CDK6: variants seen among roughly 807,000 people sequenced by gnomAD.
CDK6 encodes cyclin dependent kinase 6.
CDK6 carries 6 observed loss-of-function variants against 37.1 expected under a neutral mutation model. The ratio of observed to expected loss-of-function variants is 0.16; its 90% CI spans 0.09 to 0.32. The LOEUF (loss-of-function observed/expected upper bound fraction) is 0.32. Ranked by LOEUF, CDK6 falls within the 10% of genes least tolerant of loss-of-function variation. The pLI is 1.00. For synonymous variants in CDK6, 160 were observed against 161.3 expected (o/e 0.99, Z 0.06); for missense variants, 224 against 418.9 (o/e 0.53, Z 4.06).
At chr7:92,625,460 A>G (rs1795904254) in intron 5 of CDK6, among the ~76,000 whole-genome samples, 2 of 151,748 alleles carry the variant, frequency 1.3e-5, no homozygotes, top group Non-Finnish European at 2.9e-5. Flanking sequence ...TTTCTAAAGG[A>G]TGAATGCCAC....
chr7:92,644,575 G>A (rs1268731528), intron 5 of CDK6, among the ~76,000 whole-genome samples: 3 of 152,140 alleles, frequency 2.0e-5, no homozygotes, highest in East Asian at 1.9e-4. Context: ...GAAGGCTTGT[G>A]AAATCTGCTC....
intron 5 of CDK6, among the ~76,000 whole-genome samples, chr7:92,638,692 A>T (rs1427306456): frequency 2.0e-5 from 3 of 152,206 alleles, no homozygotes; most frequent in South Asian, 2.1e-4. Context: ...GCCTTGAAGG[A>T]ACATCACTTA....
intron 5 of CDK6, among the ~76,000 whole-genome samples, chr7:92,656,978 T>G (rs970349190): frequency 3.3e-5 from 5 of 152,136 alleles, no homozygotes; most frequent in African/African-American, 1.2e-4. Context: ...ATACCCTTGG[T>G]CTTCCGGCCA....
chr7:92,664,839 G>A (rs1187684198), intron 5 of CDK6, among the ~76,000 whole-genome samples: 1 of 150,622 alleles, frequency 6.6e-6, no homozygotes, highest in Non-Finnish European at 1.5e-5. Flanking sequence ...AGGCTGGAGT[G>A]CAGTGGCACG....
In CDK6 at chr7:92,709,228, T is replaced by C. The variant is rs146811445; in HGVS notation, c.537+16398A>G. ...TACCAATCCACTCATCACATTGTAG[T>C]AGACTGCTTTTTTTTAGGGTAAAAA... On this transcript the variant is annotated intron_variant, in intron 4 of 7. Transcript: ENST00000424848. 1.5e-3 allele frequency among the ~76,000 whole-genome samples: 223 copies of C among 152,300 alleles called. 1 individual carries two copies. The highest frequency in any genetic ancestry group is 4.9e-3 in the African/African-American group (203 of 41,556).
In CDK6 at chr7:92,725,133, G is replaced by A. The variant is rs1798480349; in HGVS notation, c.537+493C>T. The A allele has an allele frequency of 6.1e-6, 6 of 985,396 alleles. No homozygotes were observed. In the South Asian group the frequency reaches 2.8e-4, roughly 46 times the overall value. The allele number at this position is 985,396 out of a possible 1,614,324, so 61.0% of individuals were successfully genotyped here. On this transcript the variant is annotated intron_variant, in intron 4 of 7. Transcript: ENST00000424848. ...TGGCATGGCGGTGCTCTACGTTCAT[G>A]CATCATCCAAGTTCACTGTGAATTT...
intron 2 of CDK6, among the ~76,000 whole-genome samples, chr7:92,776,828 G>C (rs566689282): frequency 3.3e-5 from 5 of 152,244 alleles, no homozygotes; most frequent in African/African-American, 1.2e-4. Flanking sequence ...CAGATGGATA[G>C]ATTGCAAAAA....
intron 3 of CDK6, among the ~76,000 whole-genome samples, chr7:92,773,967 A>G (rs1799781379): frequency 6.6e-6 from 1 of 152,210 alleles, no homozygotes; most frequent in East Asian, 1.9e-4. Flanking sequence ...CCCGCACATG[A>G]TGTGTATAAA....
Position 92,609,937 on chromosome 7 carries a change from T to G in CDK6, c.*5203A>C. ...CAGAACCTAGGTAACAAGTAAAATATTGAAGTTACAGAACATTATAGAGAC... is the reference window on the plus strand; with the variant it reads ...CAGAACCTAGGTAACAAGTAAAATAGTGAAGTTACAGAACATTATAGAGAC... On this transcript the variant is annotated 3_prime_UTR_variant, in exon 8 of 8. Transcript: ENST00000424848. 4.3e-6 allele frequency: 1 copy of G among 230,308 alleles called. No individual in the cohort carries two copies. Among genetic ancestry groups the G allele is most frequent in the Non-Finnish European group, 8.6e-6 (1 of 116,320 alleles). 14.3% of individuals were successfully genotyped at this position (230,308 alleles called of 1,614,324 possible).
At chr7:92,680,381 G>A (rs1194143830) in intron 4 of CDK6, among the ~76,000 whole-genome samples, 6 of 131,042 alleles carry the variant, frequency 4.6e-5, no homozygotes, top group Admixed American at 8.5e-5. Flanking sequence ...GCGGTGAGCC[G>A]AGATCACACC....
At chr7:92,714,541 C>T (rs920273694) in intron 4 of CDK6, among the ~76,000 whole-genome samples, 17 of 152,146 alleles carry the variant, frequency 1.1e-4, no homozygotes, top group African/African-American at 4.1e-4. Context: ...GGCTTGTTTC[C>T]CACAGTGGTC....
rs1795556406 is a variant in CDK6, at chr7:92,611,248, T to C, written c.*3892A>G. The C allele has an allele frequency of 4.4e-6, 1 of 225,360 alleles. No individual in the cohort carries two copies. The highest frequency in any genetic ancestry group is 1.8e-4 in the South Asian group (1 of 5,470). The allele number at this position is 225,360 out of a possible 1,614,324, so 14.0% of individuals were successfully genotyped here. A position where few individuals can be genotyped will look rare whatever the true frequency, so the allele number is the denominator to read the frequency against. ...TGCATTCTTTTGAATTATATAAATA[T>C]CTAAGAGTTTATAATAACATTCCAA... On this transcript the variant is annotated 3_prime_UTR_variant, in exon 8 of 8. Coordinates refer to ENST00000424848, the MANE Select transcript of CDK6 (RefSeq NM_001145306.2).
chr7:92,613,734 T>C lies in CDK6; in HGVS notation c.*1406A>G, dbSNP rs980223253. Reference sequence around the variant, plus strand: ...GAAAATATCTTCTATAAAAATGTAATTCACAAAGTAACAGTTTATAGCAAT... The same window carrying C: ...GAAAATATCTTCTATAAAAATGTAACTCACAAAGTAACAGTTTATAGCAAT... On this transcript the variant is annotated 3_prime_UTR_variant, in exon 8 of 8. Transcript: ENST00000424848. 2.6e-5 allele frequency: 6 copies of C among 232,950 alleles called. No homozygotes were observed. The highest frequency in any genetic ancestry group is 1.1e-4 in the African/African-American group (5 of 45,318). The allele number at this position is 232,950 out of a possible 1,614,324, so 14.4% of individuals were successfully genotyped here. A position where few individuals can be genotyped will look rare whatever the true frequency, so the allele number is the denominator to read the frequency against.
chr7:92,771,289 C>CAA (rs199783615), intron 3 of CDK6, among the ~76,000 whole-genome samples: 10 of 101,248 alleles, frequency 9.9e-5, no homozygotes, highest in Admixed American at 9.8e-4. Flanking sequence ...GACTCCGTCT[C>CAA]AAAAAAAAAA....
intron 4 of CDK6, among the ~76,000 whole-genome samples, chr7:92,685,809 A>G (rs73710431): frequency 1.7e-4 from 26 of 152,342 alleles, no homozygotes; most frequent in African/African-American, 5.8e-4. Flanking sequence ...TTTAATCTTT[A>G]CAATAGAGTA....
intron 6 of CDK6, among the ~76,000 whole-genome samples, 158 bp downstream of exon 6, chr7:92,622,878 C>T (rs1229107521): frequency 6.6e-6 from 1 of 152,072 alleles, no homozygotes; most frequent in African/African-American, 2.4e-5. Flanking sequence ...GGCACTTCTA[C>T]CATGTCTCCA....
chr7:92,626,224 A>C (rs1795924949), intron 5 of CDK6, among the ~76,000 whole-genome samples: 1 of 152,026 alleles, frequency 6.6e-6, no homozygotes, highest in South Asian at 2.1e-4. Flanking sequence ...TACACATATA[A>C]AAAATATAAA....
rs569288000 is a variant in CDK6 at position 92,629,270 on chromosome 7, A to T, written c.648-6184T>A. ...GTGTGCTGGCATCCCTGTCCATAGGAGGGACTATGAGTCTGGTAATTTCCT... is the reference window on the plus strand; with the variant it reads ...GTGTGCTGGCATCCCTGTCCATAGGTGGGACTATGAGTCTGGTAATTTCCT... On this transcript the variant is annotated intron_variant, in intron 5 of 7. Transcript: ENST00000424848. Among the ~76,000 whole-genome samples, 12 of 152,214 alleles carry T rather than the reference A, an allele frequency of 7.9e-5. 1 individual carries two copies. In the South Asian group the frequency reaches 2.5e-3, roughly 32 times the overall value.
chr7:92,715,846 C>A (rs901766171), intron 4 of CDK6, among the ~76,000 whole-genome samples: 2 of 152,142 alleles, frequency 1.3e-5, no homozygotes, highest in Admixed American at 1.3e-4. Context: ...GATTTTCAAC[C>A]CCTTCTTGGG....
Sources: allele counts gnomAD v4.1 joint callset (sites outside exome capture counted in the v4.1 genomes callset), GRCh38; gene constraint gnomAD v4.1.1; transcripts MANE v1.5; gene names NCBI Gene and HGNC (gene_info 2026-07-23, HGNC 2026-07-21).